Variants in BTG4 observed in about 807,000 individuals in gnomAD.
BTG4 encodes the protein BTG anti-proliferation factor 4.
A neutral mutation model predicts 19.3 loss-of-function variants in BTG4; 10 were observed. The ratio of observed to expected loss-of-function variants is 0.52; its 90% CI spans 0.32 to 0.88. The LOEUF (loss-of-function observed/expected upper bound fraction) is 0.88, where lower values mean the gene tolerates loss of function less well. Among genes scored for constraint, BTG4 ranks in the 40% least tolerant of loss-of-function variants. The pLI is 0.04. For synonymous variants in BTG4, 91 were observed against 95.7 expected (o/e 0.95, Z 0.29); for missense variants, 238 against 281.9 (o/e 0.84, Z 1.11).
At chr11:111,415,177 A>C in the BTG4 span, among the ~76,000 whole-genome samples, 1 of 152,094 alleles carries the variant, frequency 6.6e-6, no homozygotes, top group African/African-American at 2.4e-5. Context: ...AGAACACAGA[A>C]TTAGTCCTGC....
At chr11:111,502,575 A>G (rs1232450905) in intron 1 of BTG4, among the ~76,000 whole-genome samples, 1 of 152,138 alleles carries the variant, frequency 6.6e-6, no homozygotes, top group Non-Finnish European at 1.5e-5. Flanking sequence ...AATTAGGGTA[A>G]CTCCTTGTAT....
intron 5 of BTG4, among the ~76,000 whole-genome samples, chr11:111,474,293 AAGAAAT>A (rs1864268480): frequency 6.6e-6 from 1 of 152,180 alleles, no homozygotes; most frequent in Admixed American, 6.5e-5. Context: ...GCCCCAGATC[AAGAAAT>A]AGAACATCAC....
the BTG4 span, among the ~76,000 whole-genome samples, chr11:111,402,882 A>C: frequency 6.8e-6 from 1 of 146,682 alleles, no homozygotes; most frequent in Non-Finnish European, 1.5e-5. Context: ...AATAATAATA[A>C]TACATCAGAA....
the BTG4 span, among the ~76,000 whole-genome samples, chr11:111,389,794 A>G: frequency 1.3e-4 from 20 of 152,336 alleles, no homozygotes; most frequent in East Asian, 2.5e-3. Flanking sequence ...CTTTTAAAAA[A>G]ACTCTCTTAA....
At chr11:111,493,941 A>G (rs1294550799), downstream of BTG4, among the ~76,000 whole-genome samples, 3 of 152,176 alleles carry the variant, frequency 2.0e-5, no homozygotes, top group Non-Finnish European at 2.9e-5. Context: ...TTGGGACTCA[A>G]GGTCACAACT....
the BTG4 span, among the ~76,000 whole-genome samples, chr11:111,454,663 G>A: frequency 6.6e-6 from 1 of 152,168 alleles, no homozygotes; most frequent in Non-Finnish European, 1.5e-5. Context: ...AACTAGGTGA[G>A]CAAATTTATG....
At chr11:111,492,003 C>T (rs1428341035), downstream of BTG4, among the ~76,000 whole-genome samples, 2 of 152,188 alleles carry the variant, frequency 1.3e-5, no homozygotes, top group African/African-American at 4.8e-5. Flanking sequence ...ACACAGGGAT[C>T]ATATGCTCAT....
chr11:111,423,347 G>C, the BTG4 span, among the ~76,000 whole-genome samples: 2 of 152,326 alleles, frequency 1.3e-5, no homozygotes, highest in Non-Finnish European at 2.9e-5. Flanking sequence ...AAGATCCTAA[G>C]AATCAAATCC....
upstream of BTG4, chr11:111,514,283 C>T (rs1369760994): frequency 6.0e-6 from 1 of 167,420 alleles, no homozygotes; most frequent in Admixed American, 5.5e-5. Context: ...AGAAACTGTA[C>T]ACATGGGCAC....
At chr11:111,410,689 A>G in the BTG4 span, among the ~76,000 whole-genome samples, 3 of 152,166 alleles carry the variant, frequency 2.0e-5, no homozygotes, top group Non-Finnish European at 4.4e-5. Context: ...CTTAAAGTCC[A>G]TCCTACTTTA....
chr11:111,399,267 A>G, the BTG4 span: 1 of 152,178 alleles, frequency 6.6e-6, no homozygotes, highest in South Asian at 2.1e-4. Context: ...AATGTGAAAA[A>G]TCCAGCCAGT....
At chr11:111,472,590 T>C (rs1413037719) in intron 5 of BTG4, among the ~76,000 whole-genome samples, 1 of 152,206 alleles carries the variant, frequency 6.6e-6, no homozygotes, top group African/African-American at 2.4e-5. Context: ...CCTTCTTATC[T>C]TGGTTCAAAT....
At chr11:111,452,335 G>A in the BTG4 span, 1 of 152,244 alleles carries the variant, frequency 6.6e-6, no homozygotes, top group African/African-American at 2.4e-5. Flanking sequence ...TGGCCGGCGT[G>A]GGTCCCACTC....
chr11:111,483,684 G>A (rs1189177702), intron 5 of BTG4, among the ~76,000 whole-genome samples: 2 of 152,064 alleles, frequency 1.3e-5, no homozygotes, highest in Non-Finnish European at 2.9e-5. Flanking sequence ...GACAGTCAGA[G>A]AAGAGAAAAG....
intron 5 of BTG4, among the ~76,000 whole-genome samples, chr11:111,479,331 C>T (rs911004731): frequency 6.6e-6 from 1 of 151,906 alleles, no homozygotes; most frequent in Non-Finnish European, 1.5e-5. Flanking sequence ...AAGAATAAGC[C>T]GGGTGCAGTG....
At chr11:111,513,993 G>A (rs1004563559), upstream of BTG4, 1 of 153,310 alleles carries the variant, frequency 6.5e-6, no homozygotes, top group Non-Finnish European at 1.5e-5. Context: ...TCAATGAAGT[G>A]GTTAAGTTGT....
At chr11:111,469,480 G>C (rs1863926429) in intron 5 of BTG4, 1 of 152,192 alleles carries the variant, frequency 6.6e-6, no homozygotes, top group South Asian at 2.1e-4. Flanking sequence ...GGTTCCTCCT[G>C]CCTGGCCAGG....
chr11:111,459,205 G>A, the BTG4 span, among the ~76,000 whole-genome samples: 2 of 151,846 alleles, frequency 1.3e-5, no homozygotes, highest in Non-Finnish European at 2.9e-5. Flanking sequence ...TCACATCATT[G>A]TACTCCAGTC....
intron 1 of BTG4, among the ~76,000 whole-genome samples, chr11:111,505,184 G>A (rs1866363864): frequency 6.6e-6 from 1 of 151,928 alleles, no homozygotes; most frequent in Non-Finnish European, 1.5e-5. Flanking sequence ...AAAGAACAGA[G>A]TCAGAGGCAT....
Sources: allele counts gnomAD v4.1 joint callset (sites outside exome capture counted in the v4.1 genomes callset), GRCh38; gene constraint gnomAD v4.1.1; transcripts MANE v1.5; gene names NCBI Gene and HGNC (gene_info 2026-07-23, HGNC 2026-07-21).